FNTB: variants seen among roughly 807,000 people sequenced by gnomAD.
The protein encoded by FNTB is protein farnesyltransferase subunit beta.
In FNTB, 27 loss-of-function variants were observed where a neutral mutation model predicts 59.4. The observed-to-expected ratio is 0.45, with a 90% confidence interval of 0.34 to 0.63. FNTB has a LOEUF of 0.63. Ranked by LOEUF, FNTB falls within the 20% of genes least tolerant of loss-of-function variation. FNTB has a pLI of 0.02. For missense variants in FNTB, 449 were observed against 559.6 expected (o/e 0.80, Z 1.99); for synonymous variants, 230 against 220.7 (o/e 1.04, Z -0.37).
intron 9 of FNTB, among the ~76,000 whole-genome samples, chr14:65,051,828 T>C (rs1451073548): frequency 1.3e-5 from 2 of 150,442 alleles, no homozygotes; most frequent in Non-Finnish European, 3.0e-5. Context: ...GGAGTCTCGC[T>C]GTGTCGCCCA....
At position 65,027,296 on chromosome 14, in the gene FNTB, T is replaced by C; in HGVS notation, c.375-157T>C. On this transcript the variant is annotated intron_variant, in intron 4 of 11. Transcript: ENST00000246166. The surrounding 1 kb of genome is among the most constrained non-coding windows in gnomAD (Gnocchi z 5.7). ...GATAGCTGGAGAGAGAATTAAGCCC[T>C]TTGGGGAGAGGTTATATTCAACAAG... The C allele has an allele frequency of 8.5e-7, 1 of 1,171,760 alleles. No homozygotes were observed. 72.6% of individuals were successfully genotyped at this position (1,171,760 alleles called of 1,614,324 possible). A position where few individuals can be genotyped will look rare whatever the true frequency, so the allele number is the denominator to read the frequency against.
chr14:65,041,062 C>G, intron 8 of FNTB, 143 bp downstream of exon 8: 1 of 1,372,636 alleles, frequency 7.3e-7, no homozygotes, highest in Non-Finnish European at 9.7e-7. Flanking sequence ...AAGGAGTGAG[C>G]AGCTGCTCTG....
intron 4 of FNTB, among the ~76,000 whole-genome samples, chr14:65,022,676 A>T (rs2061910918): frequency 6.7e-6 from 1 of 148,176 alleles, no homozygotes; most frequent in Non-Finnish European, 1.5e-5. Context: ...CAAATACTTA[A>T]AAAAAAAAAA....
chr14:64,988,050 A>C (rs1888021726), intron 1 of FNTB, among the ~76,000 whole-genome samples: 1 of 152,202 alleles, frequency 6.6e-6, no homozygotes, highest in Non-Finnish European at 1.5e-5. Flanking sequence ...TGTATTTCCT[A>C]CTTTAAGTTG....
At chr14:65,033,036 T>C (rs2062115947) in intron 7 of FNTB, among the ~76,000 whole-genome samples, 1 of 152,152 alleles carries the variant, frequency 6.6e-6, no homozygotes, top group Non-Finnish European at 1.5e-5. Context: ...CAGAAACCCT[T>C]GCACACACGA....
intron 9 of FNTB, among the ~76,000 whole-genome samples, chr14:65,045,270 T>C (rs1028536272): frequency 6.6e-6 from 1 of 152,188 alleles, no homozygotes; most frequent in African/African-American, 2.4e-5. Flanking sequence ...GATCTGTTTT[T>C]GGAATGAGAT....
At chr14:65,020,679 C>T (rs2061869616) in intron 4 of FNTB, among the ~76,000 whole-genome samples, 1 of 151,884 alleles carries the variant, frequency 6.6e-6, no homozygotes, top group Non-Finnish European at 1.5e-5. Context: ...GGTGATCCAC[C>T]TGCCTCAGCC....
chr14:65,000,815 C>CAAAAAAAAAA lies in FNTB; in HGVS notation c.145-3417_145-3408dup, dbSNP rs59420832. Among the ~76,000 whole-genome samples the CAAAAAAAAAA allele has an allele frequency of 1.6e-4, 6 of 36,460 alleles. 1 individual carries two copies. Among genetic ancestry groups the CAAAAAAAAAA allele is most frequent in the African/African-American group, 4.2e-4 (5 of 11,908 alleles). The allele number at this position is 36,460 out of a possible 152,430, so 23.9% of individuals were successfully genotyped here. Reference sequence around the variant, plus strand: ...AGCCTGGCAGAGCCAGACTCCGTCTCAAAAAAAAAAAAAAAAAAAAAAAAA... The same window carrying CAAAAAAAAAA: ...AGCCTGGCAGAGCCAGACTCCGTCTCAAAAAAAAAAAAAAAAAAAAAAAAAAAAAAAAAAA... On this transcript the variant is annotated intron_variant, in intron 1 of 11. Coordinates refer to ENST00000246166, the MANE Select transcript of FNTB (RefSeq NM_002028.4).
At chr14:65,033,143 C>T (rs1407748466) in intron 7 of FNTB, among the ~76,000 whole-genome samples, 1 of 152,066 alleles carries the variant, frequency 6.6e-6, no homozygotes, top group Non-Finnish European at 1.5e-5. Flanking sequence ...GGTATAGTTG[C>T]ATCGGAATAT....
At position 65,030,100 on chromosome 14, in the gene FNTB, C is replaced by T. The variant is rs2062051451; in HGVS notation, c.605+2319C>T. Among the ~76,000 whole-genome samples, 1 of 152,236 alleles carries T rather than the reference C, an allele frequency of 6.6e-6. No homozygotes were observed. Among genetic ancestry groups the T allele is most frequent in the Admixed American group, 6.5e-5 (1 of 15,284 alleles). On this transcript the variant is annotated intron_variant, in intron 6 of 11. Coordinates refer to ENST00000246166, the MANE Select transcript of FNTB (RefSeq NM_002028.4). The surrounding 1 kb of genome is among the most constrained non-coding windows in gnomAD (Gnocchi z 4.5). ...CTGGGACTCCTGTCTTCTGTCATCA[C>T]TTCTTAGTCCTCACACTTGTGAGAG...
chr14:65,030,981 T>A lies in FNTB; in HGVS notation c.606-1629T>A, dbSNP rs1566556439. Among the ~76,000 whole-genome samples the A allele has an allele frequency of 6.6e-6, 1 of 151,922 alleles. No individual in the cohort carries two copies. Among genetic ancestry groups the A allele is most frequent in the Non-Finnish European group, 1.5e-5 (1 of 67,978 alleles). On this transcript the variant is annotated intron_variant, in intron 6 of 11. Coordinates refer to ENST00000246166, the MANE Select transcript of FNTB (RefSeq NM_002028.4). The surrounding 1 kb of genome is among the most constrained non-coding windows in gnomAD (Gnocchi z 4.5). ...TGCCACCATGCCCAGCTAATTTTTG[T>A]ATTTTTAGTAGAGACGAGGTCTCAC...
At position 64,990,889 on chromosome 14, in the gene FNTB, G is replaced by T. The variant is rs2140034599; in HGVS notation, c.144+3792G>T. 6.6e-6 allele frequency among the ~76,000 whole-genome samples: 1 copy of T among 152,262 alleles called. No homozygotes were observed. The highest frequency in any genetic ancestry group is 1.5e-5 in the Non-Finnish European group (1 of 68,008). ...AGGTAATGAGAAATGGTCAGCTCTG[G>T]ATATTTTTATGAAGGTCTCTACCTT... On this transcript the variant is annotated intron_variant, in intron 1 of 11. Transcript: ENST00000246166. The surrounding 1 kb of genome is among the most constrained non-coding windows in gnomAD (Gnocchi z 5.2).
rs757241322 is a variant in FNTB at position 65,027,520 on chromosome 14, C to A, written c.442C>A (p.Pro148Thr). 1.2e-6 allele frequency: 2 copies of A among 1,614,170 alleles called. No homozygotes were observed. The highest frequency in any genetic ancestry group is 2.7e-5 in the African/African-American group (2 of 75,010). The change falls in exon 5 of 12, where the codon CCA becomes ACA. Residue 148 changes from proline (P) to threonine (T), a missense_variant. Physicochemically the swap from Pro to Thr is conservative, Grantham distance 38. Around this residue, in one of 2 missense-constraint regions of FNTB, gnomAD observed 337 missense variants for 479.1 expected, o/e 0.70. Transcript: ENST00000246166. This position sits in a 1 kb window ranked among gnomAD's most constrained non-coding sequence, Gnocchi z 5.7. ...GGFGGGPGQY[P>T]HLAPTYAAVN... ...CTTTGGAGGAGGACCCGGTCAGTAT[C>A]CACACCTTGCACCCACATATGCAGC...
rs1172610694 is a variant in FNTB at position 65,062,287 on chromosome 14, G to A, written c.*975G>A. 1.3e-5 allele frequency: 2 copies of A among 152,226 alleles called. No homozygotes were observed. Among genetic ancestry groups the A allele is most frequent in the African/African-American group, 4.8e-5 (2 of 41,448 alleles). The allele number at this position is 152,226 out of a possible 1,614,324, so 9.4% of individuals were successfully genotyped here. ...AACTTATGACTCAGGATTTATTCAC[G>A]TCCTGCCCACTCTAGGCTCACAGGA... On this transcript the variant is annotated 3_prime_UTR_variant, in exon 12 of 12. Transcript: ENST00000246166. This position sits in a 1 kb window ranked among gnomAD's most constrained non-coding sequence, Gnocchi z 4.3.
At chr14:65,058,408 T>C (rs2062790583) in intron 11 of FNTB, among the ~76,000 whole-genome samples, 1 of 152,174 alleles carries the variant, frequency 6.6e-6, no homozygotes, top group African/African-American at 2.4e-5. Context: ...GCCACCTTGT[T>C]GAACTCTTTA....
rs1405782164 is a variant in FNTB at position 65,044,464 on chromosome 14, A to G, written c.955+21A>G. 6.3e-7 allele frequency: 1 copy of G among 1,586,996 alleles called. No homozygotes were observed. The highest frequency in any genetic ancestry group is 8.5e-7 in the Non-Finnish European group (1 of 1,170,344). On this transcript the variant is annotated intron_variant, in intron 9 of 11. Transcript: ENST00000246166. This position sits in a 1 kb window ranked among gnomAD's most constrained non-coding sequence, Gnocchi z 5.5. ...CCAAGGTGAGCCTGGGGAGCTGTTC[A>G]CTTGGGGCTGGATGATTTCCCTCCA...
intron 2 of FNTB, chr14:65,006,258 T>TG: frequency 2.5e-6 from 4 of 1,609,220 alleles, no homozygotes; most frequent in Non-Finnish European, 3.4e-6. Flanking sequence ...GAAAGACAGG[T>TG]GGGAGGGTTA....
At chr14:65,052,581 T>C (rs755432119) in intron 9 of FNTB, among the ~76,000 whole-genome samples, 5 of 152,246 alleles carry the variant, frequency 3.3e-5, no homozygotes, top group Admixed American at 6.5e-5. Context: ...CCATAGTGAT[T>C]GGACTTCAGA....
intron 7 of FNTB, among the ~76,000 whole-genome samples, chr14:65,039,220 G>C (rs545273197): frequency 7.9e-5 from 12 of 152,308 alleles, no homozygotes; most frequent in African/African-American, 2.6e-4. Flanking sequence ...GGGCTTATCA[G>C]TTCCCTCAGA....
Sources: gnomAD v4.1 joint callset for allele counts (sites outside exome capture counted in the v4.1 genomes callset) on GRCh38, gnomAD v4.1.1 for gene constraint, gnomAD v4.1.1 regional missense constraint, Gnocchi (gnomAD v3.1) non-coding constraint, MANE v1.5 for transcripts, NCBI Gene and HGNC (gene_info 2026-07-23, HGNC 2026-07-21) for gene names.